The following SMPD4 variants were observed in gnomAD, a reference collection of about 807,000 sequenced individuals.
The protein encoded by SMPD4 is neutral sphingomyelinase 3.
In SMPD4, 58 loss-of-function variants were observed where a neutral mutation model predicts 97.8. That is an observed-to-expected ratio of 0.59 (90% CI 0.48 to 0.74). The LOEUF (loss-of-function observed/expected upper bound fraction) is 0.74. SMPD4 is among the 30% of genes least tolerant of loss of function. The probability of loss-of-function intolerance (pLI) is 0.00; values close to 1 mark genes in which losing one functional copy is unlikely to be tolerated. For missense variants in SMPD4, 853 were observed against 1,080.5 expected, an observed-to-expected ratio of 0.79 and a Z score of 2.95; for synonymous variants, 388 against 450.0, an observed-to-expected ratio of 0.86 and a Z score of 1.74.
intron 3 of SMPD4, among the ~76,000 whole-genome samples, chr2:130,174,557 T>C (rs1189373477): frequency 6.6e-6 from 1 of 152,240 alleles, no homozygotes; most frequent in Non-Finnish European, 1.5e-5. Context: ...TTGGGCTAGA[T>C]ACTTCTTTGT....
chr2:130,166,926 A>G (rs552262102), intron 9 of SMPD4, among the ~76,000 whole-genome samples: 1 of 152,344 alleles, frequency 6.6e-6, no homozygotes, highest in East Asian at 1.9e-4. Context: ...AAACGAAACA[A>G]CTTCCATGGA....
At chr2:130,178,956 G>T (rs113681126) in intron 1 of SMPD4, among the ~76,000 whole-genome samples, 145 of 152,220 alleles carry the variant, frequency 9.5e-4, no homozygotes, top group African/African-American at 3.3e-3. Flanking sequence ...CAGTTTTCAT[G>T]GCCCAGCTCT....
intron 11 of SMPD4, among the ~76,000 whole-genome samples, chr2:130,160,231 A>T (rs1296826898): frequency 3.3e-5 from 5 of 152,162 alleles, no homozygotes; most frequent in African/African-American, 1.2e-4. Flanking sequence ...GCAAGCCCTC[A>T]GGTCCCTCCT....
At chr2:130,180,150 T>TAG (rs1689402170) in intron 1 of SMPD4, among the ~76,000 whole-genome samples, 1 of 142,064 alleles carries the variant, frequency 7.0e-6, no homozygotes, top group Admixed American at 7.1e-5. Context: ...GTATTTTTAG[T>TAG]AGACAGGGTT....
intron 5 of SMPD4, 32 bp downstream of exon 5, chr2:130,173,247 G>A (rs1412421996): frequency 6.2e-6 from 10 of 1,605,808 alleles, no homozygotes; most frequent in African/African-American, 4.0e-5. Context: ...CCACTGCCCC[G>A]AGCACCACTC....
In SMPD4 at chr2:130,153,417, C is replaced by T. The variant is rs756905044; in HGVS notation, c.1927G>A (p.Ala643Thr). Residue 643 changes from alanine (A) to threonine (T), a missense_variant, in exon 18 of 20, where the codon GCC becomes ACC. By Grantham distance (58) the Ala-to-Thr change is moderately conservative. Transcript: ENST00000680298. ...TTCTCATCCTGGGTGGTGCCCAAGG[C>T]GAGTGTGAACTGCCTGAGCTGCGCT... ...SEAQLRQFTL[A>T]LGTTQDENGK... 9.9e-6 allele frequency: 16 copies of T among 1,613,794 alleles called. No homozygotes were observed. Among genetic ancestry groups the T allele is most frequent in the African/African-American group, 2.7e-5 (2 of 74,936 alleles).
At chr2:130,159,140 G>A (rs1374495800) in intron 11 of SMPD4, among the ~76,000 whole-genome samples, 3 of 152,062 alleles carry the variant, frequency 2.0e-5, no homozygotes, top group Non-Finnish European at 2.9e-5. Context: ...GAACACAGGC[G>A]CACACACCAC....
At chr2:130,154,724 C>T (rs1451558720) in intron 15 of SMPD4, 3 of 587,514 alleles carry the variant, frequency 5.1e-6, no homozygotes, top group Non-Finnish European at 9.1e-6. Context: ...ACAGGAGGAT[C>T]GACAGAAACC....
chr2:130,178,360 C>G (rs1573737630), intron 1 of SMPD4, among the ~76,000 whole-genome samples: 1 of 152,146 alleles, frequency 6.6e-6, no homozygotes, highest in African/African-American at 2.4e-5. Flanking sequence ...TAGTAAGTGG[C>G]AGAACCAAGA....
chr2:130,167,414 G>C lies in SMPD4; in HGVS notation c.792+44C>G, dbSNP rs1228708325. The C allele has an allele frequency of 2.5e-6, 4 of 1,610,988 alleles. No homozygotes were observed. In the African/African-American group the frequency reaches 5.3e-5, roughly 22 times the overall value. On this transcript the variant is annotated intron_variant, in intron 9 of 19. Transcript: ENST00000680298. ...GGGGATTATAGGCACGAGCCACCAT[G>C]CCCAGCTGGCTGAACAGTTTCTTTT...
intron 3 of SMPD4, among the ~76,000 whole-genome samples, chr2:130,174,662 G>A (rs184280371): frequency 6.6e-6 from 1 of 152,162 alleles, no homozygotes; most frequent in African/African-American, 2.4e-5. Context: ...TCTACCTCCA[G>A]ATGTGACAAC....
rs781548716 is a variant in SMPD4 at position 130,169,472 on chromosome 2, A to AG, written c.660-1883dup. The stretch of plus-strand genomic sequence containing the variant: ...CTGTAGCTTACTCATATTGGCTTAG[A>AG]GAAAAAAAAACACATACAATAGAGG... On this transcript the variant is annotated intron_variant, in intron 8 of 19. Coordinates refer to ENST00000680298, the MANE Select transcript of SMPD4 (RefSeq NM_017951.5). 7.2e-5 allele frequency among the ~76,000 whole-genome samples: 11 copies of AG among 152,182 alleles called. No individual in the cohort carries two copies. The East Asian group carries it at 1.9e-3, about 27-fold the overall frequency.
chr2:130,171,135 C>CCT (rs1558759467), intron 8 of SMPD4, among the ~76,000 whole-genome samples: 2 of 144,378 alleles, frequency 1.4e-5, no homozygotes, highest in African/African-American at 5.1e-5. Flanking sequence ...AATTTCTTTT[C>CCT]TTTTTTTTTT....
rs1174862655 is a variant in SMPD4 at position 130,152,884 on chromosome 2, A to C, written c.2155T>G (p.Phe719Val). 2 of 1,579,816 alleles carry C rather than the reference A, an allele frequency of 1.3e-6. No individual in the cohort carries two copies. Among genetic ancestry groups the C allele is most frequent in the African/African-American group, 2.7e-5 (2 of 74,200 alleles). ...FRLSSAINHRFAGQMAALCSR... is the reference protein window; with the variant it reads ...FRLSSAINHRVAGQMAALCSR... ...CACAGAGCCGCCATCTGTCCTGCAA[A>C]CTGAAGCACAGACAGAGGCACGGGG... The change falls in exon 20 of 20, where the codon TTT becomes GTT. Residue 719 changes from phenylalanine to valine, a missense_variant and splice_region_variant. Physicochemically the swap from Phe to Val is conservative, Grantham distance 50 (BLOSUM62 -1). This residue lies in a region of SMPD4 where 511 missense variants were observed against 608.1 expected (regional missense o/e 0.84). Transcript: ENST00000680298.
chr2:130,180,469 C>A (rs1326895908), intron 1 of SMPD4, among the ~76,000 whole-genome samples: 1 of 150,204 alleles, frequency 6.7e-6, no homozygotes, highest in Non-Finnish European at 1.5e-5. Context: ...GACGAGGTTT[C>A]ACCATCTTGG....
chr2:130,168,945 T>A (rs1391051632), intron 8 of SMPD4, among the ~76,000 whole-genome samples: 2 of 152,140 alleles, frequency 1.3e-5, no homozygotes, highest in Non-Finnish European at 2.9e-5. Flanking sequence ...GGTCTCACAC[T>A]CCTGAGCTCC....
intron 1 of SMPD4, among the ~76,000 whole-genome samples, chr2:130,178,339 C>A (rs920774468): frequency 1.3e-5 from 2 of 152,104 alleles, no homozygotes; most frequent in Admixed American, 6.5e-5. Flanking sequence ...ATTCACTTAC[C>A]CCCACCCAGC....
chr2:130,178,906 C>G (rs574730515), intron 1 of SMPD4, among the ~76,000 whole-genome samples: 2 of 152,276 alleles, frequency 1.3e-5, no homozygotes, highest in South Asian at 4.1e-4. Flanking sequence ...CTAGACTTCA[C>G]AGACAGGAAG....
intron 3 of SMPD4, 69 bp downstream of exon 3, chr2:130,174,845 G>T: frequency 1.7e-6 from 2 of 1,205,706 alleles, no homozygotes. Context: ...GGGAAATTAG[G>T]AATTATAATA....
Sources: gnomAD v4.1 joint callset for allele counts (sites outside exome capture counted in the v4.1 genomes callset) on GRCh38, gnomAD v4.1.1 for gene constraint, gnomAD v4.1.1 regional missense constraint, MANE v1.5 for transcripts, NCBI Gene and HGNC (gene_info 2026-07-23, HGNC 2026-07-21) for gene names.